SYNPO2: variants seen among roughly 807,000 people sequenced by gnomAD.
SYNPO2 encodes the protein synaptopodin 2.
SYNPO2 carries 56 observed loss-of-function variants against 85.0 expected under a neutral mutation model. The ratio of observed to expected loss-of-function variants is 0.66; its 90% CI spans 0.53 to 0.82. SYNPO2 has a LOEUF of 0.82. Ranked by LOEUF, SYNPO2 falls within the 40% of genes least tolerant of loss-of-function variation. The pLI is 0.00. For missense variants in SYNPO2, 1,575 were observed against 1,534.2 expected (o/e 1.03, Z -0.44); for synonymous variants, 602 against 591.1 (o/e 1.02, Z -0.27).
rs149134257 is a variant in SYNPO2 at position 119,031,986 on chromosome 4, A to G, written c.3211A>G (p.Arg1071Gly). The change falls in exon 4 of 5, where the codon AGG (arginine) becomes GGG (glycine). Residue 1071 changes from arginine to glycine, a missense_variant. Arg to Gly is a moderately radical substitution (Grantham distance 125). Transcript: ENST00000307142. ...SASSSYFVAP[R>G]PKFSAKKSGV... ...CTCATCATCTTATTTTGTGGCACCA[A>G]GGCCAAAGTTCTCAGCCAAGAAAAG... 3.7e-6 allele frequency: 6 copies of G among 1,614,092 alleles called. No homozygotes were observed. In the African/African-American group the frequency reaches 6.7e-5, roughly 18 times the overall value.
intron 1 of SYNPO2, among the ~76,000 whole-genome samples, chr4:118,908,382 G>C (rs1395994308): frequency 1.3e-5 from 2 of 152,032 alleles, no homozygotes; most frequent in Non-Finnish European, 2.9e-5. Context: ...AATAATCTAG[G>C]TAACATACTT....
intron 1 of SYNPO2, among the ~76,000 whole-genome samples, chr4:118,986,228 C>T (rs1207619949): frequency 6.6e-6 from 1 of 152,150 alleles, no homozygotes; most frequent in Non-Finnish European, 1.5e-5. Context: ...CATAGGATGC[C>T]CTCTTGCAAA....
chr4:119,031,613 G>A lies in SYNPO2; in HGVS notation c.2838G>A (p.Gln946=). The change falls in exon 4 of 5, where the codon CAG becomes CAA. Residue 946 remains glutamine (Q), a synonymous_variant. Transcript: ENST00000307142. ...AALKSQPSAA[Q]PSKMGKKKGK... ...TCAAGTCTCAGCCATCAGCTGCACA[G>A]CCCTCCAAAATGGGCAAGAAAAAGG... 1.2e-6 allele frequency: 2 copies of A among 1,614,128 alleles called. No homozygotes were observed. Among genetic ancestry groups the A allele is most frequent in the African/African-American group, 1.3e-5 (1 of 75,024 alleles).
chr4:118,988,865 C>T (rs574108183), intron 1 of SYNPO2, among the ~76,000 whole-genome samples: 5 of 152,166 alleles, frequency 3.3e-5, no homozygotes, highest in East Asian at 1.9e-4. Flanking sequence ...CCAAAGTCAT[C>T]GAATCGCTTC....
chr4:118,878,549 C>T (rs144419947), intron 1 of SYNPO2, among the ~76,000 whole-genome samples: 190 of 152,004 alleles, frequency 1.2e-3, no homozygotes, highest in African/African-American at 3.9e-3. Context: ...CGCACCAATC[C>T]GCGCTCTGTG....
At chr4:118,912,549 T>C (rs1733177796) in intron 1 of SYNPO2, among the ~76,000 whole-genome samples, 1 of 152,216 alleles carries the variant, frequency 6.6e-6, no homozygotes, top group African/African-American at 2.4e-5. Flanking sequence ...ATTTAAGTTC[T>C]ACCTTTAGTA....
At chr4:118,900,285 A>G (rs1732677671) in intron 1 of SYNPO2, among the ~76,000 whole-genome samples, 2 of 152,202 alleles carry the variant, frequency 1.3e-5, no homozygotes, top group Non-Finnish European at 2.9e-5. Context: ...ATCCTAAAAT[A>G]TATGTCAGGT....
chr4:118,909,992 T>C (rs1733080981), intron 1 of SYNPO2, among the ~76,000 whole-genome samples: 2 of 152,222 alleles, frequency 1.3e-5, no homozygotes. Flanking sequence ...CTGAGCATAA[T>C]TCCACCCCCT....
At chr4:118,986,171 T>C (rs1736209848) in intron 1 of SYNPO2, among the ~76,000 whole-genome samples, 1 of 152,218 alleles carries the variant, frequency 6.6e-6, no homozygotes, top group Non-Finnish European at 1.5e-5. Flanking sequence ...ACAATTAATA[T>C]TTAAACCCAC....
intron 1 of SYNPO2, among the ~76,000 whole-genome samples, chr4:118,905,969 T>C (rs1732922712): frequency 6.6e-6 from 1 of 152,256 alleles, no homozygotes; most frequent in African/African-American, 2.4e-5. Context: ...TTTGCACTTA[T>C]GTTGTCACCC....
intron 1 of SYNPO2, among the ~76,000 whole-genome samples, chr4:118,990,725 C>T (rs911323687): frequency 6.6e-6 from 1 of 152,196 alleles, no homozygotes; most frequent in African/African-American, 2.4e-5. Flanking sequence ...GCTCGTGCCT[C>T]AGCCTCCTGA....
At position 119,058,425 on chromosome 4, in the gene SYNPO2, A is replaced by G. The variant is rs1739288794; in HGVS notation, c.*491A>G. On this transcript the variant is annotated 3_prime_UTR_variant, in exon 5 of 5. Coordinates refer to ENST00000307142, the MANE Select transcript of SYNPO2 (RefSeq NM_133477.3). ...GGGCATGCCAGTGAGCAATTACTTT[A>G]TAAAAATATTTTCCTTGGTGTTAAG... 6.7e-6 allele frequency: 1 copy of G among 148,850 alleles called. No individual in the cohort carries two copies. Among genetic ancestry groups the G allele is most frequent in the Admixed American group, 6.7e-5 (1 of 14,932 alleles). The allele number at this position is 148,850 out of a possible 1,614,324, so 9.2% of individuals were successfully genotyped here.
At chr4:118,933,594 C>T (rs147383974) in intron 1 of SYNPO2, among the ~76,000 whole-genome samples, 2 of 152,186 alleles carry the variant, frequency 1.3e-5, no homozygotes, top group East Asian at 3.9e-4. Flanking sequence ...TTGAATCCAG[C>T]TAAGGATGAC....
intron 1 of SYNPO2, among the ~76,000 whole-genome samples, chr4:118,959,437 C>T (rs1734994930): frequency 6.6e-6 from 1 of 152,230 alleles, no homozygotes; most frequent in Admixed American, 6.5e-5. Context: ...TTTCTTCTCT[C>T]TCACTTTTTC....
intron 4 of SYNPO2, among the ~76,000 whole-genome samples, chr4:119,046,569 T>C (rs1738874778): frequency 6.6e-6 from 1 of 152,256 alleles, no homozygotes; most frequent in Non-Finnish European, 1.5e-5. Context: ...CTGCCAGGTC[T>C]CTGACACCTT....
intron 1 of SYNPO2, among the ~76,000 whole-genome samples, chr4:119,007,412 CA>C (rs527931641): frequency 0.02 from 2,839 of 139,578 alleles, 80 homozygotes; most frequent in African/African-American, 0.069. Flanking sequence ...AAAAAACAAA[CA>C]AAAAAAAAAC....
chr4:118,854,294 C>T (rs1205957557), intron 1 of SYNPO2, among the ~76,000 whole-genome samples: 1 of 152,164 alleles, frequency 6.6e-6, no homozygotes. Flanking sequence ...CATGACTTTC[C>T]ATTTGTTGAT....
intron 1 of SYNPO2, among the ~76,000 whole-genome samples, chr4:118,900,893 T>G (rs779549752): frequency 1.3e-5 from 2 of 151,674 alleles, no homozygotes; most frequent in Admixed American, 6.6e-5. Context: ...CTTCATATAC[T>G]TTTGAGAACT....
intron 1 of SYNPO2, among the ~76,000 whole-genome samples, chr4:118,895,623 A>G (rs1732527002): frequency 6.6e-6 from 1 of 151,942 alleles, no homozygotes; most frequent in Non-Finnish European, 1.5e-5. Context: ...CTCCTGCTAG[A>G]CTCTGGTTGA....
Sources: gnomAD v4.1 joint callset for allele counts (sites outside exome capture counted in the v4.1 genomes callset) on GRCh38, gnomAD v4.1.1 for gene constraint, MANE v1.5 for transcripts, NCBI Gene and HGNC (gene_info 2026-07-23, HGNC 2026-07-21) for gene names.